The following COL5A3 variants were observed in gnomAD, a reference collection of about 807,000 sequenced individuals.
The protein encoded by COL5A3 is collagen alpha-3(V) chain.
Under a neutral mutation model 250.0 loss-of-function variants are expected in COL5A3, and 172 were observed. The observed-to-expected ratio is 0.69, with a 90% confidence interval of 0.61 to 0.78. COL5A3 has a LOEUF of 0.78. Ranked by LOEUF, COL5A3 falls within the 30% of genes least tolerant of loss-of-function variation. The pLI is 0.00. For missense variants in COL5A3, 2,340 were observed against 2,334.4 expected, an observed-to-expected ratio of 1.00 and a Z score of -0.05; for synonymous variants, 937 against 900.4, an observed-to-expected ratio of 1.04 and a Z score of -0.73.
In COL5A3 at chr19:9,960,324, A is replaced by G; in HGVS notation, c.*87T>C. On this transcript the variant is annotated 3_prime_UTR_variant, in exon 67 of 67. Transcript: ENST00000264828. ...TCCCATTGGCTCCATAGTCACAGGTAACGAAAAATACGGTGGCTTCAAAGC... is the reference window on the plus strand; with the variant it reads ...TCCCATTGGCTCCATAGTCACAGGTGACGAAAAATACGGTGGCTTCAAAGC... 6.6e-7 allele frequency: 1 copy of G among 1,512,062 alleles called. No individual in the cohort carries two copies. The allele number at this position is 1,512,062 out of a possible 1,614,324, so 93.7% of individuals were successfully genotyped here.
intron 31 of COL5A3, among the ~76,000 whole-genome samples, chr19:9,983,368 G>A (rs1028987429): frequency 1.2e-4 from 18 of 151,672 alleles, no homozygotes; most frequent in African/African-American, 3.4e-4. Flanking sequence ...CAGGTGGTGC[G>A]CACCTGTTGT....
chr19:9,997,601 C>T (rs540237880), intron 10 of COL5A3, among the ~76,000 whole-genome samples, 168 bp from the exon 11 acceptor site: 42 of 152,148 alleles, frequency 2.8e-4, no homozygotes, highest in Non-Finnish European at 4.0e-4. Context: ...ACGCTACTCT[C>T]GGACCCCTCT....
Position 9,977,275 on chromosome 19 carries a change from A to C in COL5A3, c.3242T>G (p.Val1081Gly), listed in dbSNP as rs779533720. 6.2e-7 allele frequency: 1 copy of C among 1,613,694 alleles called. No homozygotes were observed. Among genetic ancestry groups the C allele is most frequent in the Non-Finnish European group, 8.5e-7 (1 of 1,179,890 alleles). ...PSGEEGDKGD[V>G]GAPGHKGSKG... ...ACTCCCCTTGTGTCCGGGGGCACCC[A>C]CATCCCCCTGCAGAGGAAATGGGAT... Residue 1081 changes from valine to glycine, a missense_variant, in exon 44 of 67, where the codon GTG (valine) becomes GGG (glycine). By Grantham distance (109) the Val-to-Gly change is moderately radical (BLOSUM62 -3). This residue lies in a region of COL5A3 where 1,179 missense variants were observed against 1,162.6 expected (regional missense o/e 1.01). Transcript: ENST00000264828.
rs2087163175 is a variant in COL5A3, at chr19:9,990,046, CCGCCTTCCCTGG to C, written c.1993-536_1993-525del. 6.0e-5 allele frequency among the ~76,000 whole-genome samples: 9 copies of C among 149,908 alleles called. 1 individual carries two copies. Among genetic ancestry groups the C allele is most frequent in the Admixed American group, 3.3e-4 (5 of 15,102 alleles). On this transcript the variant is annotated intron_variant, in intron 24 of 66. Transcript: ENST00000264828. ...AGATTACAGGCGTGAGCCACTGTGCCCGCCTTCCCTGGCAGACACACTTCTGTGTGATAATTT... is the reference window on the plus strand; with the variant it reads ...AGATTACAGGCGTGAGCCACTGTGCCCAGACACACTTCTGTGTGATAATTT...
intron 36 of COL5A3, 32 bp from the exon 37 acceptor site, chr19:9,979,924 C>G (rs781127962): frequency 6.4e-7 from 1 of 1,572,098 alleles, no homozygotes; most frequent in South Asian, 1.2e-5. Flanking sequence ...AGTTGGGGCA[C>G]AGATACAGGG....
In COL5A3 at chr19:9,974,235, A is replaced by G. The variant is rs749359248; in HGVS notation, c.3451-11T>C. 6.2e-7 allele frequency: 1 copy of G among 1,613,716 alleles called. No homozygotes were observed. Among genetic ancestry groups the G allele is most frequent in the Non-Finnish European group, 8.5e-7 (1 of 1,179,888 alleles). On this transcript the variant is annotated splice_polypyrimidine_tract_variant and intron_variant, in intron 46 of 66. Transcript: ENST00000264828. ...AGGGCCTGGCAGCCCCTGTGGAACA[A>G]AGAAGCAAGATTGGGGCACCAGGTA...
chr19:9,966,587 G>A lies in COL5A3; in HGVS notation c.4618C>T (p.Pro1540Ser). Residue 1540 changes from proline (P) to serine (S), a missense_variant, in exon 63 of 67, where the codon CCG becomes TCG. Transcript: ENST00000264828. ...LRRPPGTAER[P>S]GLVCHELHRN... ...TGCAGCTCGTGGCACACGAGGCCCG[G>A]GCGCTCCGCAGTGCCGGGAGGACGC... The A allele has an allele frequency of 6.5e-7, 1 of 1,541,556 alleles. No homozygotes were observed. Among genetic ancestry groups the A allele is most frequent in the Non-Finnish European group, 8.7e-7 (1 of 1,147,350 alleles).
intron 24 of COL5A3, 77 bp downstream of exon 24, chr19:9,991,533 G>T: frequency 7.9e-7 from 1 of 1,266,218 alleles, no homozygotes; most frequent in Non-Finnish European, 1.1e-6. Flanking sequence ...GAGGGGTCTT[G>T]GTGGGAAGAT....
rs191536841 is a variant in COL5A3, at chr19:9,990,599, G to A, written c.1992+1011C>T. Among the ~76,000 whole-genome samples, 5 of 151,230 alleles carry A rather than the reference G, an allele frequency of 3.3e-5. No homozygotes were observed. The East Asian group carries it at 9.7e-4, about 29-fold the overall frequency. On this transcript the variant is annotated intron_variant, in intron 24 of 66. Coordinates refer to ENST00000264828, the MANE Select transcript of COL5A3 (RefSeq NM_015719.4). Reference sequence around the variant, plus strand: ...TTTTTTTGAGGTGGAGTCTCGCTCTGTCGCCCAGGCTGGAGTGCAGTGGCA... The same window carrying A: ...TTTTTTTGAGGTGGAGTCTCGCTCTATCGCCCAGGCTGGAGTGCAGTGGCA...
intron 51 of COL5A3, among the ~76,000 whole-genome samples, chr19:9,971,832 T>C (rs1441509441): frequency 6.6e-6 from 1 of 151,658 alleles, no homozygotes; most frequent in Non-Finnish European, 1.5e-5. Flanking sequence ...TGCCATTCAA[T>C]GATGTATAAC....
chr19:9,979,607 T>C (rs2086975852), intron 37 of COL5A3, among the ~76,000 whole-genome samples, 190 bp from the exon 38 acceptor site: 2 of 151,786 alleles, frequency 1.3e-5, no homozygotes, highest in African/African-American at 4.8e-5. Context: ...CTGGTCAACA[T>C]GATGAAGCCC....
intron 29 of COL5A3, 48 bp from the exon 30 acceptor site, chr19:9,986,470 C>T (rs1425957397): frequency 1.2e-6 from 2 of 1,608,058 alleles, no homozygotes; most frequent in Admixed American, 3.3e-5. Context: ...GTCCTTCCTG[C>T]TCTGTCTAGC....
At position 10,009,525 on chromosome 19, in the gene COL5A3, C is replaced by T. The variant is rs1350988860; in HGVS notation, c.88+773G>A. Among the ~76,000 whole-genome samples, 1 of 152,050 alleles carries T rather than the reference C, an allele frequency of 6.6e-6. No homozygotes were observed. Among genetic ancestry groups the T allele is most frequent in the African/African-American group, 2.4e-5 (1 of 41,384 alleles). The stretch of plus-strand genomic sequence containing the variant: ...GAGCAACTTCCACTCCTGCCCCGCC[C>T]TGCGCCCCGCCCCGTCTCGCCCCTC... On this transcript the variant is annotated intron_variant, in intron 1 of 66. Coordinates refer to ENST00000264828, the MANE Select transcript of COL5A3 (RefSeq NM_015719.4). This position sits in a 1 kb window ranked among gnomAD's most constrained non-coding sequence, Gnocchi z 4.4.
chr19:9,967,480 C>A (rs2086769036), intron 61 of COL5A3, 80 bp from the exon 62 acceptor site: 1 of 866,976 alleles, frequency 1.2e-6, no homozygotes, highest in Non-Finnish European at 1.7e-6. Flanking sequence ...CACACACACA[C>A]ACTCACACAC....
Position 9,997,970 on chromosome 19 carries a change from C to T in COL5A3, c.1200+14G>A, listed in dbSNP as rs374147957. On this transcript the variant is annotated intron_variant, in intron 10 of 66. Transcript: ENST00000264828. The stretch of plus-strand genomic sequence containing the variant: ...AGGGAAAGACTGGAAGAAGGAAACA[C>T]AGCCATGACTTACTTGGGGTCCTGG... 1.9e-6 allele frequency: 3 copies of T among 1,613,880 alleles called. No homozygotes were observed. In the African/African-American group the frequency reaches 4.0e-5, roughly 22 times the overall value.
Position 9,993,049 on chromosome 19 carries a change from C to A in COL5A3, c.1768G>T (p.Gly590Trp). The A allele has an allele frequency of 6.2e-7, 1 of 1,613,942 alleles. No individual in the cohort carries two copies. Among genetic ancestry groups the A allele is most frequent in the Non-Finnish European group, 8.5e-7 (1 of 1,179,930 alleles). Residue 590 changes from glycine (G) to tryptophan (W), a missense_variant, in exon 20 of 67, where the codon GGG (glycine) becomes TGG (tryptophan). Gly to Trp is a radical substitution (Grantham distance 184). Transcript: ENST00000264828. ...GGCTCCCCAGCCTGGCCAGTGGGCC[C>A]TGGAGGTCCCTCTGCTCCCTGTGGA... ...DGERGAEGPPGPTGQAGEPGP... is the reference protein window; with the variant it reads ...DGERGAEGPPWPTGQAGEPGP...
chr19:10,003,668 T>C lies in COL5A3; in HGVS notation c.746A>G (p.Lys249Arg), dbSNP rs1329707458. Residue 249 changes from lysine to arginine, a missense_variant, in exon 6 of 67, where the codon AAG (lysine) becomes AGG (arginine). Physicochemically the swap from Lys to Arg is conservative, Grantham distance 26 (BLOSUM62 2). Coordinates refer to ENST00000264828, the MANE Select transcript of COL5A3 (RefSeq NM_015719.4). Reference protein sequence around the residue: ...PETPRPRRKGKGKGRKKGRGR... With the variant: ...PETPRPRRKGRGKGRKKGRGR... ...TCGCCCTTTCTTCCTCCCTTTTCCC[T>C]TCCCCTTCCGCCGAGGACGAGGGGT... 1 of 1,614,132 alleles carries C rather than the reference T, an allele frequency of 6.2e-7. No individual in the cohort carries two copies. Among genetic ancestry groups the C allele is most frequent in the Non-Finnish European group, 8.5e-7 (1 of 1,180,022 alleles).
At position 9,986,591 on chromosome 19, in the gene COL5A3, G is replaced by A. The variant is rs760683826; in HGVS notation, c.2206C>T (p.Pro736Ser). The A allele has an allele frequency of 6.2e-7, 1 of 1,613,904 alleles. No homozygotes were observed. Among genetic ancestry groups the A allele is most frequent in the Non-Finnish European group, 8.5e-7 (1 of 1,179,968 alleles). The change falls in exon 29 of 67, where the codon CCA becomes TCA. Residue 736 changes from proline (P) to serine (S), a missense_variant. Physicochemically the swap from Pro to Ser is moderately conservative, Grantham distance 74 (BLOSUM62 -1). Coordinates refer to ENST00000264828, the MANE Select transcript of COL5A3 (RefSeq NM_015719.4). ...EKGEKGEDGF[P>S]GFKGDVGLKG... ...AGCCCCACATCGCCCTTGAAGCCTG[G>A]GAAGCCGTCCTCTCCCTGGGTGGGA...
chr19:9,976,558 CG>C lies in COL5A3; in HGVS notation c.3341del (p.Pro1114ArgfsTer30). The C allele has an allele frequency of 1.9e-6, 3 of 1,567,074 alleles. No homozygotes were observed. The highest frequency in any genetic ancestry group is 1.2e-5 in the South Asian group (1 of 82,194). ...IRGPAGHPGPPGADGAQGRRG... is the reference protein window; with the variant it reads ...IRGPAGHPGPXGADGAQGRRG... ...GGACTGAAAAGATGGGGGCACTCAC[CG>C]GGGGACCTGGGTGTCCTGCAGGACC... is the stretch of plus-strand genomic sequence containing the variant. On this transcript the variant is annotated frameshift_variant and splice_region_variant, in exon 45 of 67. Coordinates refer to ENST00000264828, the MANE Select transcript of COL5A3 (RefSeq NM_015719.4). LOFTEE classifies it high-confidence loss of function.
Sources: allele counts gnomAD v4.1 joint callset (sites outside exome capture counted in the v4.1 genomes callset), GRCh38; gene constraint gnomAD v4.1.1; regional missense constraint gnomAD v4.1.1; non-coding constraint Gnocchi (gnomAD v3.1); transcripts MANE v1.5; gene names NCBI Gene and HGNC (gene_info 2026-07-23, HGNC 2026-07-21).